Variants in TTLL5 observed in about 807,000 individuals in gnomAD.
TTLL5 encodes the protein tubulin polyglutamylase TTLL5.
Under a neutral mutation model 168.4 loss-of-function variants are expected in TTLL5, and 132 were observed. The ratio of observed to expected loss-of-function variants is 0.78; its 90% CI spans 0.68 to 0.91. The LOEUF (loss-of-function observed/expected upper bound fraction) is 0.91. Among genes scored for constraint, TTLL5 ranks in the 40% least tolerant of loss-of-function variants. The probability of loss-of-function intolerance (pLI) is 0.00; values close to 1 mark genes in which losing one functional copy is unlikely to be tolerated. For missense variants in TTLL5, 1,545 were observed against 1,581.5 expected, an observed-to-expected ratio of 0.98 and a Z score of 0.39; for synonymous variants, 546 against 558.6, an observed-to-expected ratio of 0.98 and a Z score of 0.32.
chr14:75,696,100 G>A (rs1427858935), intron 6 of TTLL5, among the ~76,000 whole-genome samples: 2 of 151,848 alleles, frequency 1.3e-5, no homozygotes, highest in Non-Finnish European at 2.9e-5. Flanking sequence ...AGGTTGGCCA[G>A]CCTGGTCTTG....
chr14:75,784,584 A>G (rs1176750715), intron 26 of TTLL5, among the ~76,000 whole-genome samples: 1 of 152,184 alleles, frequency 6.6e-6, no homozygotes, highest in South Asian at 2.1e-4. Context: ...ATATGTTTTT[A>G]TTTCTCTTGA....
At chr14:75,809,496 C>G (rs919312790) in intron 27 of TTLL5, among the ~76,000 whole-genome samples, 1 of 152,126 alleles carries the variant, frequency 6.6e-6, no homozygotes, top group Non-Finnish European at 1.5e-5. Context: ...TTAGATACAT[C>G]TATACAATGT....
chr14:75,784,566 G>C (rs188300671), intron 26 of TTLL5, among the ~76,000 whole-genome samples: 12 of 152,280 alleles, frequency 7.9e-5, no homozygotes, highest in African/African-American at 2.2e-4. Context: ...GTAAGTTTTC[G>C]TGTGGACATA....
rs376211362 is a variant in TTLL5, at chr14:75,692,554, A to G, written c.502+2232A>G. Among the ~76,000 whole-genome samples the G allele has an allele frequency of 1.6e-4, 25 of 152,306 alleles. No homozygotes were observed. The East Asian group carries it at 4.6e-3, about 28-fold the overall frequency. On this transcript the variant is annotated intron_variant, in intron 6 of 31. Coordinates refer to ENST00000298832, the MANE Select transcript of TTLL5 (RefSeq NM_015072.5). ...AAACAGACTGGCCTTTAGAAAAATA[A>G]CTATGTGAAATGAGTCGGTGGAAGC...
At chr14:75,817,706 C>A (rs962475786) in intron 27 of TTLL5, among the ~76,000 whole-genome samples, 1 of 152,050 alleles carries the variant, frequency 6.6e-6, no homozygotes, top group African/African-American at 2.4e-5. Context: ...ACTTTCACTA[C>A]TGTTCTCTAG....
rs113592542 is a variant in TTLL5, at chr14:75,834,778, G to A, written c.3326+14617G>A. The stretch of plus-strand genomic sequence containing the variant: ...CATGCTTACCATCATTAGAACTTGC[G>A]CTTTGGGCTGGGCACAGTGGCTCAC... On this transcript the variant is annotated intron_variant, in intron 28 of 31. Transcript: ENST00000298832. 6.6e-3 allele frequency among the ~76,000 whole-genome samples: 1,008 copies of A among 152,190 alleles called. 14 individuals are homozygous for A. The highest frequency in any genetic ancestry group is 0.023 in the African/African-American group (963 of 41,516).
chr14:75,719,293 A>T (rs1396669323), intron 10 of TTLL5, among the ~76,000 whole-genome samples: 1 of 152,234 alleles, frequency 6.6e-6, no homozygotes, highest in Non-Finnish European at 1.5e-5. Context: ...AGCATGCTGC[A>T]CCAGAATAAC....
intron 31 of TTLL5, among the ~76,000 whole-genome samples, chr14:75,912,318 C>G (rs2033426220): frequency 6.6e-6 from 1 of 152,192 alleles, no homozygotes; most frequent in Admixed American, 6.5e-5. Flanking sequence ...CAGCTGCCTT[C>G]CAGACAGATG....
At chr14:75,790,685 G>T (rs906073421) in intron 26 of TTLL5, among the ~76,000 whole-genome samples, 1 of 151,602 alleles carries the variant, frequency 6.6e-6, no homozygotes, top group Admixed American at 6.6e-5. Flanking sequence ...ATCTGGTCTC[G>T]AACTTCTGTG....
chr14:75,813,705 G>A (rs1894206746), intron 27 of TTLL5, among the ~76,000 whole-genome samples: 1 of 151,746 alleles, frequency 6.6e-6, no homozygotes. Flanking sequence ...GATTATAGTA[G>A]AACGTTTTAA....
intron 29 of TTLL5, among the ~76,000 whole-genome samples, chr14:75,882,118 A>G (rs1266933619): frequency 6.6e-6 from 1 of 152,136 alleles, no homozygotes; most frequent in Admixed American, 6.5e-5. Flanking sequence ...AGAATTCTAA[A>G]CTAGCCCTCA....
chr14:75,882,817 C>T lies in TTLL5; in HGVS notation c.3655C>T (p.Pro1219Ser). 1 of 1,614,130 alleles carries T rather than the reference C, an allele frequency of 6.2e-7. No individual in the cohort carries two copies. Among genetic ancestry groups the T allele is most frequent in the Non-Finnish European group, 8.5e-7 (1 of 1,180,022 alleles). The change falls in exon 30 of 32, where the codon CCA (proline) becomes TCA (serine). Residue 1219 changes from proline to serine, a missense_variant. Pro to Ser is a moderately conservative substitution (Grantham distance 74, BLOSUM62 -1). Coordinates refer to ENST00000298832, the MANE Select transcript of TTLL5 (RefSeq NM_015072.5). ...TTLPQKVVPP[P>S]SSCASLVPKP... ...TCTGCCACAAAAAGTGGTACCACCT[C>T]CAAGTTCTTGCGCCTCCCTGGTTCC... is the stretch of plus-strand genomic sequence containing the variant.
At chr14:75,683,362 C>A (rs748517674) in intron 4 of TTLL5, among the ~76,000 whole-genome samples, 188 bp from the exon 5 acceptor site, 13 of 152,218 alleles carry the variant, frequency 8.5e-5, no homozygotes, top group Non-Finnish European at 1.8e-4. Flanking sequence ...TTTGCCCAAC[C>A]CTCCCATTCC....
intron 28 of TTLL5, among the ~76,000 whole-genome samples, chr14:75,822,995 G>A (rs1213153697): frequency 6.6e-6 from 1 of 152,170 alleles, no homozygotes; most frequent in Non-Finnish European, 1.5e-5. Flanking sequence ...GAGGTAATAA[G>A]TGAGATTAAT....
intron 18 of TTLL5, chr14:75,757,713 G>A: frequency 1.3e-6 from 1 of 765,484 alleles, no homozygotes; most frequent in East Asian, 2.9e-5. Flanking sequence ...TGCCCTCCTT[G>A]GCCTAATGTC....
chr14:75,953,671 GAGGGGTTGAGGAGA>G lies in TTLL5; in HGVS notation c.3824-749_3824-736del, dbSNP rs1482471308. ...CATATAGGTGTATATTGTTGGGATTGAGGGGTTGAGGAGAAGGCAAAGTATTATCTGACACTCTG... is the reference window on the plus strand; with the variant it reads ...CATATAGGTGTATATTGTTGGGATTGAGGCAAAGTATTATCTGACACTCTG... On this transcript the variant is annotated intron_variant, in intron 31 of 31. Coordinates refer to ENST00000298832, the MANE Select transcript of TTLL5 (RefSeq NM_015072.5). 2.0e-5 allele frequency among the ~76,000 whole-genome samples: 3 copies of G among 152,262 alleles called. No individual in the cohort carries two copies. In the East Asian group the frequency reaches 5.8e-4, roughly 29 times the overall value.
chr14:75,835,252 C>T (rs1895807422), intron 28 of TTLL5: 1 of 152,216 alleles, frequency 6.6e-6, no homozygotes, highest in Admixed American at 6.5e-5. Flanking sequence ...AGATGCAAGA[C>T]AATACTCAAC....
intron 21 of TTLL5, among the ~76,000 whole-genome samples, chr14:75,773,927 T>TATATATAG (rs1354936334): frequency 0.023 from 482 of 20,978 alleles, 7 homozygotes; most frequent in Non-Finnish European, 0.034. Flanking sequence ...TATATATATA[T>TATATATAG]AGAGAGAGAG....
chr14:75,694,683 A>G (rs553068023), intron 6 of TTLL5, among the ~76,000 whole-genome samples: 77 of 152,350 alleles, frequency 5.1e-4, no homozygotes, highest in Middle Eastern at 3.4e-3. Flanking sequence ...GGCTGAAGCC[A>G]TGGCAGAGTA....
Sources: allele counts gnomAD v4.1 joint callset (sites outside exome capture counted in the v4.1 genomes callset), GRCh38; gene constraint gnomAD v4.1.1; transcripts MANE v1.5; gene names NCBI Gene and HGNC (gene_info 2026-07-23, HGNC 2026-07-21).